The following GFOD1 variants were observed in gnomAD, a reference collection of about 807,000 sequenced individuals.
GFOD1 encodes Gfo/Idh/MocA-like oxidoreductase domain containing 1.
In GFOD1, 9 loss-of-function variants were observed where a neutral mutation model predicts 25.4. The observed-to-expected ratio is 0.35, with a 90% CI of 0.21 to 0.62. GFOD1 has a LOEUF of 0.62. Ranked by LOEUF, GFOD1 falls within the 20% of genes least tolerant of loss-of-function variation. GFOD1 has a pLI of 0.72. For synonymous variants in GFOD1, 253 were observed against 245.6 expected (o/e 1.03, Z -0.28); for missense variants, 403 against 556.9 (o/e 0.72, Z 2.78).
chr6:13,409,643 C>T (rs1245030829), intron 1 of GFOD1, among the ~76,000 whole-genome samples: 3 of 152,182 alleles, frequency 2.0e-5, no homozygotes, highest in East Asian at 1.9e-4. Flanking sequence ...GAATTGCAGC[C>T]GGGCACGGTG....
chr6:13,374,310 T>TG lies in GFOD1; in HGVS notation c.254-8649_254-8648insC, dbSNP rs1562196253. ...GTGTGTGTGTGTGTGTGTGTGTTTG[T>TG]TTTTTTTTTTTGAGACAGAGTCTCA... On this transcript the variant is annotated intron_variant, in intron 1 of 1. Transcript: ENST00000379287. Among the ~76,000 whole-genome samples the TG allele has an allele frequency of 2.3e-5, 3 of 129,510 alleles. No homozygotes were observed. In the East Asian group the frequency reaches 6.5e-4, roughly 28 times the overall value. The allele number at this position is 129,510 out of a possible 152,430, so 85.0% of individuals were successfully genotyped here. A position where few individuals can be genotyped will look rare whatever the true frequency, so the allele number is the denominator to read the frequency against.
rs139773083 is a variant in GFOD1, at chr6:13,376,991, T to TCACAAGTGTA, written c.254-11339_254-11330dup. ...GGTGGGTTGTGCTTTAGTGAAGGGA[T>TCACAAGTGTA]CACAAGTGTATTTACCCAGCAGATA... On this transcript the variant is annotated intron_variant, in intron 1 of 1. Transcript: ENST00000379287. Among the ~76,000 whole-genome samples, 1,456 of 151,886 alleles carry TCACAAGTGTA rather than the reference T, an allele frequency of 9.6e-3. 25 individuals are homozygous for TCACAAGTGTA. The highest frequency in any genetic ancestry group is 0.033 in the African/African-American group (1,382 of 41,388).
intron 1 of GFOD1, among the ~76,000 whole-genome samples, chr6:13,410,362 G>A (rs116329810): frequency 6.6e-6 from 1 of 152,108 alleles, no homozygotes; most frequent in African/African-American, 2.4e-5. Context: ...GAGGTCAGGT[G>A]TTTGAGACCA....
At chr6:13,444,674 C>A (rs1757975022) in intron 1 of GFOD1, among the ~76,000 whole-genome samples, 1 of 151,824 alleles carries the variant, frequency 6.6e-6, no homozygotes, top group African/African-American at 2.4e-5. Context: ...TAACTGGAAA[C>A]TTAAAAATAA....
At chr6:13,462,179 G>A (rs1393417932) in intron 1 of GFOD1, among the ~76,000 whole-genome samples, 2 of 152,222 alleles carry the variant, frequency 1.3e-5, no homozygotes, top group African/African-American at 4.8e-5. Flanking sequence ...TGTCGCGGGT[G>A]AGGAAGGATC....
chr6:13,394,062 C>T (rs1785677200), intron 1 of GFOD1, among the ~76,000 whole-genome samples: 1 of 152,090 alleles, frequency 6.6e-6, no homozygotes, highest in Non-Finnish European at 1.5e-5. Context: ...CAGGCGTGAG[C>T]CACTGTGCCT....
chr6:13,426,498 C>T (rs1438505822), intron 1 of GFOD1, among the ~76,000 whole-genome samples: 1 of 152,218 alleles, frequency 6.6e-6, no homozygotes, highest in East Asian at 1.9e-4. Context: ...ATGACCTCTG[C>T]GTCACTGTCC....
intron 1 of GFOD1, among the ~76,000 whole-genome samples, chr6:13,411,880 C>T (rs1345969611): frequency 1.3e-5 from 2 of 152,220 alleles, no homozygotes; most frequent in African/African-American, 4.8e-5. Context: ...GCCCAGAGCA[C>T]GAGCTTTGGA....
intron 1 of GFOD1, among the ~76,000 whole-genome samples, chr6:13,450,563 C>T (rs1006885671): frequency 3.9e-5 from 6 of 152,176 alleles, no homozygotes; most frequent in African/African-American, 1.4e-4. Context: ...GAGTCCTCTT[C>T]CAGTGGATCA....
chr6:13,468,435 G>C (rs112668356), intron 1 of GFOD1, among the ~76,000 whole-genome samples: 3 of 152,100 alleles, frequency 2.0e-5, no homozygotes, highest in African/African-American at 7.2e-5. Flanking sequence ...CACAAATAAG[G>C]CTTCACTGAA....
intron 1 of GFOD1, chr6:13,470,672 C>T: frequency 6.9e-7 from 1 of 1,439,776 alleles, no homozygotes; most frequent in Non-Finnish European, 9.1e-7. Context: ...GAACACATCT[C>T]ATTTTCTACC....
At chr6:13,420,079 A>C (rs932881012) in intron 1 of GFOD1, among the ~76,000 whole-genome samples, 3 of 152,190 alleles carry the variant, frequency 2.0e-5, no homozygotes, top group Non-Finnish European at 4.4e-5. Context: ...TGTCTGAGAC[A>C]ATGGCCAGCA....
chr6:13,416,982 C>T (rs1343637576), intron 1 of GFOD1, among the ~76,000 whole-genome samples: 1 of 152,228 alleles, frequency 6.6e-6, no homozygotes, highest in Admixed American at 6.5e-5. Flanking sequence ...ACTGGCTTCT[C>T]AAGCTATCCC....
At chr6:13,399,963 T>G (rs887085715) in intron 1 of GFOD1, among the ~76,000 whole-genome samples, 1 of 152,204 alleles carries the variant, frequency 6.6e-6, no homozygotes, top group East Asian at 1.9e-4. Flanking sequence ...TGCTCCCTTT[T>G]GGGGAAGCCA....
chr6:13,440,673 T>C (rs1757901096), intron 1 of GFOD1, among the ~76,000 whole-genome samples: 1 of 152,214 alleles, frequency 6.6e-6, no homozygotes, highest in Non-Finnish European at 1.5e-5. Context: ...CTACCAGATG[T>C]TTTCAGAAAT....
chr6:13,448,419 C>T (rs1204639950), intron 1 of GFOD1, among the ~76,000 whole-genome samples: 1 of 152,174 alleles, frequency 6.6e-6, no homozygotes, highest in Non-Finnish European at 1.5e-5. Context: ...CCCTATAAGG[C>T]ACAGAGCACA....
chr6:13,448,265 T>C (rs1758039049), intron 1 of GFOD1, among the ~76,000 whole-genome samples: 1 of 152,370 alleles, frequency 6.6e-6, no homozygotes, highest in Admixed American at 6.5e-5. Context: ...GGAACGCTAA[T>C]GTACTCGTTC....
chr6:13,384,730 A>G (rs1229863079), intron 1 of GFOD1, among the ~76,000 whole-genome samples: 1 of 152,222 alleles, frequency 6.6e-6, no homozygotes, highest in Non-Finnish European at 1.5e-5. Flanking sequence ...AGATGCGCAC[A>G]GTGCCTTTCT....
chr6:13,462,777 C>T (rs1193555758), intron 1 of GFOD1, among the ~76,000 whole-genome samples: 3 of 152,194 alleles, frequency 2.0e-5, no homozygotes, highest in African/African-American at 7.2e-5. Flanking sequence ...ACTGGCTTTA[C>T]AAACAACACA....
Sources: allele counts gnomAD v4.1 joint callset (sites outside exome capture counted in the v4.1 genomes callset), GRCh38; gene constraint gnomAD v4.1.1; transcripts MANE v1.5; gene names NCBI Gene and HGNC (gene_info 2026-07-23, HGNC 2026-07-21).